The following APPBP2 variants were observed in gnomAD, a reference collection of about 807,000 sequenced individuals.
APPBP2 encodes amyloid protein-binding protein 2.
APPBP2 carries 15 observed loss-of-function variants against 76.0 expected under a neutral mutation model. The ratio of observed to expected loss-of-function variants is 0.20; its 90% CI spans 0.13 to 0.30. The LOEUF (loss-of-function observed/expected upper bound fraction) is 0.30. Ranked by LOEUF, APPBP2 falls within the 10% of genes least tolerant of loss-of-function variation. The pLI, the probability that APPBP2 is intolerant of heterozygous loss-of-function variation, is 1.00. For synonymous variants in APPBP2, 222 were observed against 242.2 expected, an observed-to-expected ratio of 0.92 and a Z score of 0.77; for missense variants, 401 against 687.2, an observed-to-expected ratio of 0.58 and a Z score of 4.66.
At chr17:60,522,446 C>T (rs1336542138) in intron 1 of APPBP2, among the ~76,000 whole-genome samples, 2 of 152,130 alleles carry the variant, frequency 1.3e-5, no homozygotes, top group Non-Finnish European at 2.9e-5. Context: ...ACCTCAGCCT[C>T]CCGAGTAGCT....
chr17:60,524,448 G>C (rs1320300867), intron 1 of APPBP2, among the ~76,000 whole-genome samples: 1 of 151,794 alleles, frequency 6.6e-6, no homozygotes, highest in Non-Finnish European at 1.5e-5. Flanking sequence ...GTATCAAAGG[G>C]ATTAGGAAAA....
chr17:60,479,489 A>T (rs1422339954), intron 3 of APPBP2, among the ~76,000 whole-genome samples: 1 of 152,208 alleles, frequency 6.6e-6, no homozygotes, highest in Non-Finnish European at 1.5e-5. Context: ...AAGGAGTCAA[A>T]AGTTTGAACC....
At chr17:60,449,916 C>T (rs540893113) in intron 12 of APPBP2, among the ~76,000 whole-genome samples, 1 of 152,088 alleles carries the variant, frequency 6.6e-6, no homozygotes, top group Admixed American at 6.5e-5. Flanking sequence ...CCTGCCTCAG[C>T]CTCCCGAGTA....
chr17:60,452,075 T>C (rs755148113), intron 11 of APPBP2, 30 bp from the exon 12 acceptor site: 2 of 1,605,292 alleles, frequency 1.2e-6, no homozygotes, highest in Non-Finnish European at 1.7e-6. Flanking sequence ...TATCAATCAT[T>C]ATACTTTTTC....
At chr17:60,504,329 T>C (rs976354961) in intron 1 of APPBP2, among the ~76,000 whole-genome samples, 1 of 152,052 alleles carries the variant, frequency 6.6e-6, no homozygotes, top group Non-Finnish European at 1.5e-5. Flanking sequence ...GTTATGAAGA[T>C]AGATCAACCA....
intron 8 of APPBP2, 21 bp downstream of exon 8, chr17:60,461,789 A>G: frequency 6.5e-7 from 1 of 1,547,810 alleles, no homozygotes; most frequent in Admixed American, 1.8e-5. Flanking sequence ...TGAAAGAAAA[A>G]AAGGGTAACC....
chr17:60,504,613 G>T (rs2090851762), intron 1 of APPBP2, among the ~76,000 whole-genome samples: 1 of 152,156 alleles, frequency 6.6e-6, no homozygotes, highest in Admixed American at 6.5e-5. Flanking sequence ...TAAAATTCAA[G>T]ATCAGCCTGG....
intron 1 of APPBP2, among the ~76,000 whole-genome samples, chr17:60,518,068 C>CGTTTTTTTTTTTTTTTTTTTT (rs1418644039): frequency 8.2e-6 from 1 of 122,360 alleles, no homozygotes; most frequent in African/African-American, 2.8e-5. Flanking sequence ...TTACAATTTC[C>CGTTTTTTTTTTTTTTTTTTTT]TTTTTTTTTT....
At chr17:60,497,208 C>T (rs372360162) in intron 2 of APPBP2, among the ~76,000 whole-genome samples, 13 of 152,096 alleles carry the variant, frequency 8.5e-5, no homozygotes, top group African/African-American at 2.9e-4. Context: ...TGCAACAACA[C>T]GGATGGAACT....
chr17:60,487,543 T>G (rs1217242706), intron 3 of APPBP2, among the ~76,000 whole-genome samples: 1 of 152,238 alleles, frequency 6.6e-6, no homozygotes, highest in African/African-American at 2.4e-5. Flanking sequence ...TTCAGCTCCA[T>G]CAGGTCATTT....
intron 12 of APPBP2, among the ~76,000 whole-genome samples, chr17:60,449,363 G>A (rs1055458507): frequency 2.0e-5 from 3 of 152,082 alleles, no homozygotes; most frequent in Non-Finnish European, 4.4e-5. Flanking sequence ...AGGCCCAGGC[G>A]GGCAGGCTGC....
At chr17:60,462,877 G>T (rs1476543605) in intron 6 of APPBP2, among the ~76,000 whole-genome samples, 2 of 151,136 alleles carry the variant, frequency 1.3e-5, no homozygotes, top group Admixed American at 1.3e-4. Flanking sequence ...GTGAACCCTG[G>T]GGGGCGGAGC....
At chr17:60,496,231 G>A (rs73328467) in intron 2 of APPBP2, among the ~76,000 whole-genome samples, 12,518 of 152,138 alleles carry the variant, frequency 0.082, 1,704 homozygotes, top group African/African-American at 0.28. Flanking sequence ...CAGTGGTGAT[G>A]GTTACAAAAT....
At chr17:60,474,495 A>G (rs1401114580) in intron 4 of APPBP2, among the ~76,000 whole-genome samples, 4 of 152,130 alleles carry the variant, frequency 2.6e-5, no homozygotes, top group African/African-American at 4.8e-5. Context: ...TTTAGAAAGA[A>G]AATTTCACTA....
At chr17:60,493,678 T>C (rs560856901) in intron 3 of APPBP2, among the ~76,000 whole-genome samples, 1 of 150,404 alleles carries the variant, frequency 6.6e-6, no homozygotes, top group South Asian at 2.1e-4. Context: ...GTCTCCCTGT[T>C]ACCCAGGCTG....
intron 3 of APPBP2, among the ~76,000 whole-genome samples, chr17:60,480,414 G>A (rs115802141): frequency 0.011 from 1,633 of 152,186 alleles, 21 homozygotes; most frequent in African/African-American, 0.036. Context: ...ATTAGAGTAC[G>A]TCATAAAAGT....
chr17:60,485,182 C>T (rs143127409), intron 3 of APPBP2, among the ~76,000 whole-genome samples: 2,371 of 152,116 alleles, frequency 0.016, 64 homozygotes, highest in African/African-American at 0.053. Flanking sequence ...TTTGTTGTGT[C>T]TCTGCCAGGC....
chr17:60,456,483 T>C, intron 9 of APPBP2, 102 bp from the exon 10 acceptor site: 1 of 752,214 alleles, frequency 1.3e-6, no homozygotes, highest in South Asian at 1.6e-5. Context: ...AGAAAGTACT[T>C]CTAAAACTAT....
chr17:60,473,551 A>G (rs2143360331), intron 4 of APPBP2, among the ~76,000 whole-genome samples: 1 of 152,330 alleles, frequency 6.6e-6, no homozygotes, highest in Non-Finnish European at 1.5e-5. Flanking sequence ...TGTGGTGGTC[A>G]TGCCTGTAAG....
Sources: gnomAD v4.1 joint callset for allele counts (sites outside exome capture counted in the v4.1 genomes callset) on GRCh38, gnomAD v4.1.1 for gene constraint, MANE v1.5 for transcripts, NCBI Gene and HGNC (gene_info 2026-07-23, HGNC 2026-07-21) for gene names.